ARSB: variants seen among roughly 807,000 people sequenced by gnomAD.
ARSB encodes arylsulfatase B.
A neutral mutation model predicts 50.9 loss-of-function variants in ARSB; 41 were observed. The ratio of observed to expected loss-of-function variants is 0.81; its 90% CI spans 0.63 to 1.04. The LOEUF is 1.04. ARSB is among the 50% of genes least tolerant of loss of function. The pLI, the probability that ARSB is intolerant of heterozygous loss-of-function variation, is 0.00. For synonymous variants in ARSB, 269 were observed against 284.8 expected (o/e 0.94, Z 0.56); for missense variants, 672 against 693.3 (o/e 0.97, Z 0.35).
intron 5 of ARSB, among the ~76,000 whole-genome samples, chr5:78,877,511 C>G (rs1747541442): frequency 6.6e-6 from 1 of 152,026 alleles, no homozygotes; most frequent in South Asian, 2.1e-4. Flanking sequence ...GCCTCAGCCT[C>G]CCTAGTAGCT....
chr5:78,875,758 C>A (rs1341902269), intron 5 of ARSB, among the ~76,000 whole-genome samples: 1 of 151,992 alleles, frequency 6.6e-6, no homozygotes, highest in Non-Finnish European at 1.5e-5. Context: ...ACTTCCACCT[C>A]ATGGGTTCAA....
Position 78,954,437 on chromosome 5 carries a change from G to C in ARSB, c.898+858C>G, listed in dbSNP as rs534701064. Among the ~76,000 whole-genome samples, 5 of 152,274 alleles carry C rather than the reference G, an allele frequency of 3.3e-5. No individual in the cohort carries two copies. The South Asian group carries it at 1.0e-3, about 32-fold the overall frequency. ...AAAATGATTTTCAAAAGTAATCTCT[G>C]AGATTATGAGTTTTATTTCTCCCTT... is the stretch of plus-strand genomic sequence containing the variant. On this transcript the variant is annotated intron_variant, in intron 4 of 7. Coordinates refer to ENST00000264914, the MANE Select transcript of ARSB (RefSeq NM_000046.5).
chr5:78,856,807 G>A (rs534665578), intron 5 of ARSB, among the ~76,000 whole-genome samples: 1 of 152,240 alleles, frequency 6.6e-6, no homozygotes, highest in African/African-American at 2.4e-5. Flanking sequence ...CAGTTCCAAA[G>A]TTTCATTTCC....
At chr5:78,895,463 CA>C (rs1748523631) in intron 4 of ARSB, among the ~76,000 whole-genome samples, 1 of 152,138 alleles carries the variant, frequency 6.6e-6, no homozygotes, top group Non-Finnish European at 1.5e-5. Flanking sequence ...TTAGACCTAG[CA>C]AAAAGGTTTA....
chr5:78,842,302 C>T (rs970534045), intron 5 of ARSB, among the ~76,000 whole-genome samples: 2 of 152,190 alleles, frequency 1.3e-5, no homozygotes, highest in Non-Finnish European at 2.9e-5. Context: ...AGTCTCAAAG[C>T]TAACTCTGCA....
intron 5 of ARSB, among the ~76,000 whole-genome samples, chr5:78,845,086 C>T (rs1289418557): frequency 7.9e-5 from 12 of 151,868 alleles, no homozygotes; most frequent in Admixed American, 7.9e-4. Flanking sequence ...CTCTTTGCTT[C>T]TATGAGATCA....
chr5:78,983,549 C>T (rs910755405), intron 1 of ARSB, among the ~76,000 whole-genome samples: 14 of 152,258 alleles, frequency 9.2e-5, no homozygotes, highest in Admixed American at 5.9e-4. Flanking sequence ...CCCTTTACTC[C>T]CACAAAGTGT....
At chr5:78,851,002 A>C (rs1051620828) in intron 5 of ARSB, among the ~76,000 whole-genome samples, 5 of 152,224 alleles carry the variant, frequency 3.3e-5, no homozygotes, top group Admixed American at 3.3e-4. Flanking sequence ...GATCTTTTCA[A>C]AAAACCAGCT....
chr5:78,847,145 T>C (rs191362657), intron 5 of ARSB, among the ~76,000 whole-genome samples: 1 of 152,310 alleles, frequency 6.6e-6, no homozygotes, highest in Admixed American at 6.5e-5. Flanking sequence ...TTTTATTTTT[T>C]GAGATGGGGT....
At chr5:78,800,339 C>T (rs1251595573) in intron 6 of ARSB, among the ~76,000 whole-genome samples, 1 of 148,100 alleles carries the variant, frequency 6.8e-6, no homozygotes, top group African/African-American at 2.5e-5. Flanking sequence ...AAAAAAAAAG[C>T]AGCAGCAGCA....
intron 6 of ARSB, among the ~76,000 whole-genome samples, chr5:78,819,891 C>CTTG (rs1455246047): frequency 2.6e-5 from 4 of 152,254 alleles, no homozygotes; most frequent in South Asian, 4.1e-4. Flanking sequence ...TCAGAAAACC[C>CTTG]ACTGGTCACC....
chr5:78,849,574 T>TTAAAG (rs1745646128), intron 5 of ARSB, among the ~76,000 whole-genome samples: 1 of 150,792 alleles, frequency 6.6e-6, no homozygotes, highest in Non-Finnish European at 1.5e-5. Context: ...CATATGAACT[T>TTAAAG]TAGTTTTTTC....
intron 4 of ARSB, among the ~76,000 whole-genome samples, chr5:78,938,779 G>T (rs79020475): frequency 0.035 from 5,296 of 152,246 alleles, 293 homozygotes; most frequent in African/African-American, 0.12. Flanking sequence ...AACTCCATTT[G>T]AGTATTAAAT....
In ARSB at chr5:78,778,624, A is replaced by G. The variant is rs1359517975; in HGVS notation, c.*1773T>C. ...GGGGCAGCTTGAGAACAGAAAAGCA[A>G]CAGCTGGAAGACATTTATATTACCT... On this transcript the variant is annotated 3_prime_UTR_variant, in exon 8 of 8. Transcript: ENST00000264914. 2 of 152,258 alleles carry G rather than the reference A, an allele frequency of 1.3e-5. No individual in the cohort carries two copies. Among genetic ancestry groups the G allele is most frequent in the Non-Finnish European group, 2.9e-5 (2 of 68,062 alleles). The allele number at this position is 152,258 out of a possible 1,614,324, so 9.4% of individuals were successfully genotyped here. A position where few individuals can be genotyped will look rare whatever the true frequency, so the allele number is the denominator to read the frequency against.
chr5:78,953,910 A>G (rs1478563123), intron 4 of ARSB, among the ~76,000 whole-genome samples: 1 of 152,228 alleles, frequency 6.6e-6, no homozygotes, highest in Non-Finnish European at 1.5e-5. Context: ...AATGGTTAAG[A>G]GCACAGGCTT....
At chr5:78,882,647 G>T (rs2112198522) in intron 5 of ARSB, among the ~76,000 whole-genome samples, 1 of 151,870 alleles carries the variant, frequency 6.6e-6, no homozygotes, top group Non-Finnish European at 1.5e-5. Flanking sequence ...TTTCTTGGAT[G>T]ACACAATCAA....
chr5:78,811,198 G>C (rs1200564659), intron 6 of ARSB, among the ~76,000 whole-genome samples: 2 of 152,136 alleles, frequency 1.3e-5, no homozygotes, highest in African/African-American at 4.8e-5. Context: ...TACTATCCTG[G>C]TCTTGCCCCC....
intron 4 of ARSB, among the ~76,000 whole-genome samples, chr5:78,905,813 G>T (rs771978239): frequency 6.9e-6 from 1 of 145,832 alleles, no homozygotes; most frequent in Non-Finnish European, 1.5e-5. Context: ...CCTTTATGTG[G>T]TTTCTCTGAT....
intron 4 of ARSB, among the ~76,000 whole-genome samples, chr5:78,915,418 G>T (rs1339775416): frequency 6.6e-6 from 1 of 152,134 alleles, no homozygotes; most frequent in Non-Finnish European, 1.5e-5. Context: ...GATTAGGAAA[G>T]CACTTTGTTA....
Sources: gnomAD v4.1 joint callset for allele counts (sites outside exome capture counted in the v4.1 genomes callset) on GRCh38, gnomAD v4.1.1 for gene constraint, MANE v1.5 for transcripts, NCBI Gene and HGNC (gene_info 2026-07-23, HGNC 2026-07-21) for gene names.